The following IQGAP1 variants were observed in gnomAD, a reference collection of about 807,000 sequenced individuals.
IQGAP1 encodes ras GTPase-activating-like protein IQGAP1.
In IQGAP1, 66 loss-of-function variants were observed where a neutral mutation model predicts 215.6. The observed-to-expected ratio is 0.31, with a 90% CI of 0.25 to 0.38. IQGAP1 has a LOEUF of 0.38. Among genes scored for constraint, IQGAP1 ranks in the 10% least tolerant of loss-of-function variants. The pLI is 1.00. For synonymous variants in IQGAP1, 772 were observed against 728.7 expected (o/e 1.06, Z -0.96); for missense variants, 1,712 against 1,997.1 (o/e 0.86, Z 2.72).
In IQGAP1 at chr15:90,473,650, T is replaced by C. The variant is rs984160313; in HGVS notation, c.2350-65T>C. ...CTTGGATCATGTATCAAGATGAAAG[T>C]TTTTTTTTAACTTCCATTGATGCTT... is the stretch of plus-strand genomic sequence containing the variant. On this transcript the variant is annotated intron_variant, in intron 19 of 37. Transcript: ENST00000268182. 8 of 1,149,074 alleles carry C rather than the reference T, an allele frequency of 7.0e-6. No homozygotes were observed. In the Admixed American group the frequency reaches 1.6e-4, roughly 24 times the overall value. The allele number at this position is 1,149,074 out of a possible 1,614,324, so 71.2% of individuals were successfully genotyped here.
At chr15:90,448,820 C>A in intron 10 of IQGAP1, 84 bp downstream of exon 10, 1 of 1,198,644 alleles carries the variant, frequency 8.3e-7, no homozygotes, top group Non-Finnish European at 1.1e-6. Context: ...ATATATGCTG[C>A]CTTTGTTTTT....
chr15:90,498,259 C>T (rs964916107), intron 37 of IQGAP1, among the ~76,000 whole-genome samples: 3 of 151,970 alleles, frequency 2.0e-5, no homozygotes, highest in East Asian at 1.9e-4. Context: ...TAGTCATCTT[C>T]GTTTCCTTCT....
intron 30 of IQGAP1, among the ~76,000 whole-genome samples, chr15:90,484,839 G>A (rs1387203152): frequency 6.6e-6 from 1 of 152,124 alleles, no homozygotes; most frequent in Non-Finnish European, 1.5e-5. Context: ...AGTATCTACT[G>A]CTAAGTTTCT....
chr15:90,456,836 C>T (rs913374911), intron 15 of IQGAP1, among the ~76,000 whole-genome samples: 20 of 149,456 alleles, frequency 1.3e-4, no homozygotes, highest in African/African-American at 4.2e-4. Context: ...TGCAGTGAGC[C>T]GAGATTGCGC....
intron 18 of IQGAP1, 115 bp downstream of exon 18, chr15:90,467,707 T>A (rs1965851016): frequency 9.6e-7 from 1 of 1,039,582 alleles, no homozygotes; most frequent in Admixed American, 2.9e-5. Context: ...ATTGAGGTTA[T>A]GTAATGAGCT....
chr15:90,489,742 A>G (rs923390123), intron 33 of IQGAP1, among the ~76,000 whole-genome samples: 1 of 152,236 alleles, frequency 6.6e-6, no homozygotes, highest in Non-Finnish European at 1.5e-5. Flanking sequence ...GTGAAAGGCA[A>G]GTAAGGACAT....
intron 12 of IQGAP1, 63 bp downstream of exon 12, chr15:90,453,001 C>G: frequency 6.3e-7 from 1 of 1,580,286 alleles, no homozygotes; most frequent in Non-Finnish European, 8.6e-7. Context: ...GTAATACCCA[C>G]TTCTTCCTGT....
intron 2 of IQGAP1, among the ~76,000 whole-genome samples, chr15:90,420,966 A>T (rs1280808659): frequency 1.3e-5 from 2 of 152,036 alleles, no homozygotes; most frequent in Non-Finnish European, 1.5e-5. Context: ...CAGCCCGGCC[A>T]ACATGGCGAA....
chr15:90,403,395 A>G (rs1442063174), intron 2 of IQGAP1, among the ~76,000 whole-genome samples: 2 of 152,194 alleles, frequency 1.3e-5, no homozygotes, highest in African/African-American at 4.8e-5. Flanking sequence ...TGTTTTTTAG[A>G]TAGATTTGGT....
chr15:90,488,304 CTTTAAATCA>C lies in IQGAP1; in HGVS notation c.4248+724_4248+732del, dbSNP rs552078503. Among the ~76,000 whole-genome samples, 1,306 of 152,124 alleles carry C rather than the reference CTTTAAATCA, an allele frequency of 8.6e-3. 17 individuals carry two copies. The highest frequency in any genetic ancestry group is 0.03 in the African/African-American group (1,243 of 41,492). On this transcript the variant is annotated intron_variant, in intron 33 of 37. Transcript: ENST00000268182. ...GCATATACTTACGTTCTCCCATATA[CTTTAAATCA>C]TCTCTAGACTACTTATAATACCTAC... is the stretch of plus-strand genomic sequence containing the variant.
In IQGAP1 at chr15:90,502,179, A is replaced by G. The variant is rs1417388285; in HGVS notation, c.*2071A>G. ...CTCCCAAGAGTTTGGACTGCCCGTC[A>G]GATTGTTGCTGCACATAGTTGCCTT... On this transcript the variant is annotated 3_prime_UTR_variant, in exon 38 of 38. Transcript: ENST00000268182. 6.5e-6 allele frequency: 1 copy of G among 152,678 alleles called. No individual in the cohort carries two copies. The highest frequency in any genetic ancestry group is 1.5e-5 in the Non-Finnish European group (1 of 68,048). The allele number at this position is 152,678 out of a possible 1,614,324, so 9.5% of individuals were successfully genotyped here. A position where few individuals can be genotyped will look rare whatever the true frequency, so the allele number is the denominator to read the frequency against.
At chr15:90,396,771 T>C (rs369122511) in intron 2 of IQGAP1, among the ~76,000 whole-genome samples, 1 of 152,190 alleles carries the variant, frequency 6.6e-6, no homozygotes, top group Non-Finnish European at 1.5e-5. Flanking sequence ...ATTGTAACAC[T>C]GTTGCAAATG....
At chr15:90,482,863 C>A in intron 28 of IQGAP1, 2 of 376,492 alleles carry the variant, frequency 5.3e-6, no homozygotes, top group Non-Finnish European at 7.5e-6. Flanking sequence ...GAGGCATGAA[C>A]TTGGCCTTTG....
chr15:90,425,969 T>G, intron 2 of IQGAP1, 141 bp from the exon 3 acceptor site: 1 of 684,586 alleles, frequency 1.5e-6, no homozygotes. Context: ...AGGGAAAGGA[T>G]GTGTGTGGAA....
At chr15:90,449,528 A>C in intron 10 of IQGAP1, 31 bp from the exon 11 acceptor site, 1 of 1,573,632 alleles carries the variant, frequency 6.4e-7, no homozygotes, top group Non-Finnish European at 8.7e-7. Context: ...GGAATGAGTA[A>C]TCTTTACATA....
chr15:90,421,137 A>G (rs557046715), intron 2 of IQGAP1, among the ~76,000 whole-genome samples: 26 of 152,210 alleles, frequency 1.7e-4, no homozygotes, highest in Non-Finnish European at 3.4e-4. Context: ...ACTCCATCTC[A>G]AAGAAAAATT....
intron 2 of IQGAP1, among the ~76,000 whole-genome samples, chr15:90,419,246 A>G (rs1965098565): frequency 6.6e-6 from 1 of 152,174 alleles, no homozygotes; most frequent in Non-Finnish European, 1.5e-5. Context: ...TTTGGAACCC[A>G]CAGTTTATCT....
At position 90,475,788 on chromosome 15, in the gene IQGAP1, T is replaced by TA. The variant is rs1046644147; in HGVS notation, c.2785-871dup. The stretch of plus-strand genomic sequence containing the variant: ...AAAAAAAAAAAAATTATTTAAGACA[T>TA]AAAACAACTTAATTGACAAAATTTT... On this transcript the variant is annotated intron_variant, in intron 23 of 37. Coordinates refer to ENST00000268182, the MANE Select transcript of IQGAP1 (RefSeq NM_003870.4). 4.7e-3 allele frequency: 697 copies of TA among 147,226 alleles called. 3 individuals are homozygous for TA. Among genetic ancestry groups the TA allele is most frequent in the African/African-American group, 0.017 (673 of 39,938 alleles). 9.1% of individuals were successfully genotyped at this position (147,226 alleles called of 1,614,324 possible).
chr15:90,394,174 GTGA>G (rs1218692230), intron 2 of IQGAP1, among the ~76,000 whole-genome samples: 1 of 133,662 alleles, frequency 7.5e-6, no homozygotes, highest in Admixed American at 7.8e-5. Context: ...GGAGACATTT[GTGA>G]TGATCTTCAG....
Sources: allele counts gnomAD v4.1 joint callset (sites outside exome capture counted in the v4.1 genomes callset), GRCh38; gene constraint gnomAD v4.1.1; transcripts MANE v1.5; gene names NCBI Gene and HGNC (gene_info 2026-07-23, HGNC 2026-07-21).